Variants in SF1 observed in about 807,000 individuals in gnomAD.
The protein encoded by SF1 is splicing factor 1.
Under a neutral mutation model 62.5 loss-of-function variants are expected in SF1, and 7 were observed. The observed-to-expected ratio is 0.11, with a 90% CI of 0.06 to 0.21. The LOEUF (loss-of-function observed/expected upper bound fraction) is 0.21, where lower values mean the gene tolerates loss of function less well. Among genes scored for constraint, SF1 ranks in the 10% least tolerant of loss-of-function variants. The pLI, the probability that SF1 is intolerant of heterozygous loss-of-function variation, is 1.00. For synonymous variants in SF1, 394 were observed against 323.6 expected (o/e 1.22, Z -2.33); for missense variants, 578 against 884.0 (o/e 0.65, Z 4.39).
chr11:64,772,819 T>C, intron 3 of SF1: 1 of 985,250 alleles, frequency 1.0e-6, no homozygotes, highest in Non-Finnish European at 1.2e-6. Flanking sequence ...AAAAAAGTAA[T>C]TTAGGGTTGG....
At chr11:64,767,539 C>A in intron 10 of SF1, 32 bp downstream of exon 10, 1 of 1,523,232 alleles carries the variant, frequency 6.6e-7, no homozygotes, top group Non-Finnish European at 8.8e-7. Context: ...TATCCCAAAG[C>A]CCCCAAGGTT....
Position 64,765,600 on chromosome 11 carries a change from C to T in SF1, c.*218G>A, listed in dbSNP as rs866909330. On this transcript the variant is annotated 3_prime_UTR_variant, in exon 13 of 13. Coordinates refer to ENST00000377390, the MANE Select transcript of SF1 (RefSeq NM_004630.4). ...AAAGAAGACACTCGATGCTACGGGG[C>T]GCCAGGAGAGCCCAAGCTGGCGCCC... The T allele has an allele frequency of 4.0e-6, 6 of 1,509,768 alleles. No individual in the cohort carries two copies. The highest frequency in any genetic ancestry group is 2.6e-6 in the Non-Finnish European group (3 of 1,137,296). 93.5% of individuals were successfully genotyped at this position (1,509,768 alleles called of 1,614,324 possible).
chr11:64,768,331 G>T lies in SF1; in HGVS notation c.888-45C>A, dbSNP rs1242563448. 3 of 1,574,630 alleles carry T rather than the reference G, an allele frequency of 1.9e-6. No individual in the cohort carries two copies. The African/African-American group carries it at 4.1e-5, about 21-fold the overall frequency. ...ACAAACAGAGAAAGGGGAAAAACTT[G>T]TTAAGAAGGAAGCTTTTATCCTGAG... On this transcript the variant is annotated intron_variant, in intron 8 of 12. Transcript: ENST00000377390.
In SF1 at chr11:64,766,894, A is replaced by T; in HGVS notation, c.1582+6T>A. 7.7e-7 allele frequency: 1 copy of T among 1,303,644 alleles called. No individual in the cohort carries two copies. The allele number at this position is 1,303,644 out of a possible 1,614,324, so 80.8% of individuals were successfully genotyped here. On this transcript the variant is annotated splice_donor_region_variant and intron_variant, in intron 12 of 12. Transcript: ENST00000377390. ...CACCCCCACAAGCCCAAAATATTCT[A>T]CTCACTTTGCTGCCATGGCAAGGGG...
chr11:64,775,856 T>C (rs1939135523), intron 2 of SF1, among the ~76,000 whole-genome samples: 1 of 152,210 alleles, frequency 6.6e-6, no homozygotes, highest in Admixed American at 6.5e-5. Flanking sequence ...TCATTCCATA[T>C]CCATGCAATA....
intron 1 of SF1, chr11:64,778,049 T>G: frequency 4.0e-6 from 4 of 1,005,080 alleles, no homozygotes; most frequent in Non-Finnish European, 4.7e-6. Flanking sequence ...TGGCGGCGGC[T>G]GCGGCGGCGA....
chr11:64,770,217 A>G (rs1285149723), intron 4 of SF1, 39 bp downstream of exon 4: 10 of 1,604,752 alleles, frequency 6.2e-6, no homozygotes, highest in Non-Finnish European at 8.5e-6. Context: ...CATGATCTGC[A>G]TGTGTCTTCA....
chr11:64,770,439 T>A (rs1938127952), intron 3 of SF1, 31 bp from the exon 4 acceptor site: 5 of 1,600,890 alleles, frequency 3.1e-6, no homozygotes, highest in Non-Finnish European at 4.3e-6. Context: ...TTTACTATTC[T>A]GCACCGACTT....
rs1381246602 is a variant in SF1, at chr11:64,766,037, C to A, written c.1701G>T (p.Val567=). ...GCGGCTGGACCCCGGGGGGCAGGGGCACCATAGTGGGGTTGCCTTGCATCT... is the reference window on the plus strand; with the variant it reads ...GCGGCTGGACCCCGGGGGGCAGGGGAACCATAGTGGGGTTGCCTTGCATCT... The part of the protein sequence containing the change: ...APQMQGNPTM[V]PLPPGVQPPL... The change falls in exon 13 of 13, where the codon GTG becomes GTT. Residue 567 remains valine, a synonymous_variant. Coordinates refer to ENST00000377390, the MANE Select transcript of SF1 (RefSeq NM_004630.4). The A allele has an allele frequency of 6.2e-7, 1 of 1,610,240 alleles. No individual in the cohort carries two copies. The highest frequency in any genetic ancestry group is 8.5e-7 in the Non-Finnish European group (1 of 1,178,968).
intron 12 of SF1, chr11:64,766,663 G>C (rs1349330696): frequency 4.5e-6 from 2 of 446,900 alleles, no homozygotes; most frequent in African/African-American, 4.1e-5. Flanking sequence ...ACCTACAATA[G>C]CAGGCTCCCC....
intron 1 of SF1, 139 bp downstream of exon 1, chr11:64,778,223 C>T: frequency 1.0e-5 from 12 of 1,168,780 alleles, no homozygotes; most frequent in Non-Finnish European, 1.3e-5. Flanking sequence ...GGTCAGGGCC[C>T]CCATCGAGCC....
chr11:64,769,871 AAAGT>A (rs756105164), intron 5 of SF1, 89 bp downstream of exon 5: 12 of 991,186 alleles, frequency 1.2e-5, no homozygotes, highest in African/African-American at 4.9e-5. Flanking sequence ...AAAAAGGGGA[AAAGT>A]AAGCCAACAG....
intron 1 of SF1, chr11:64,777,809 G>A (rs1352212720): frequency 6.9e-6 from 6 of 871,966 alleles, no homozygotes; most frequent in Non-Finnish European, 8.2e-6. Flanking sequence ...CACAGCGCGC[G>A]TGCGCACTCG....
intron 3 of SF1, chr11:64,771,468 GGTTTA>G: frequency 1.0e-6 from 1 of 985,346 alleles, no homozygotes; most frequent in African/African-American, 1.7e-5. Context: ...CTATACCCTT[GGTTTA>G]GTTGAGAGAA....
chr11:64,777,093 T>C (rs1386079797), intron 1 of SF1, among the ~76,000 whole-genome samples: 1 of 152,200 alleles, frequency 6.6e-6, no homozygotes, highest in African/African-American at 2.4e-5. Flanking sequence ...CAACTAAACC[T>C]AGTTACACCC....
chr11:64,767,487 G>A (rs2058762194), intron 10 of SF1, 84 bp downstream of exon 10: 3 of 1,387,592 alleles, frequency 2.2e-6, no homozygotes, highest in Non-Finnish European at 2.9e-6. Flanking sequence ...AGCCACTTGA[G>A]AGCTGCTTCT....
At position 64,768,051 on chromosome 11, in the gene SF1, T is replaced by C; in HGVS notation, c.1068+55A>G. ...CAAACCACGTGGCCATAGCTCCCAG[T>C]CTCTGCAGTAGAGAATGGGGAAGCC... is the stretch of plus-strand genomic sequence containing the variant. On this transcript the variant is annotated intron_variant, in intron 9 of 12. Coordinates refer to ENST00000377390, the MANE Select transcript of SF1 (RefSeq NM_004630.4). 8 of 1,550,000 alleles carry C rather than the reference T, an allele frequency of 5.2e-6. No individual in the cohort carries two copies. The South Asian group carries it at 7.2e-5, about 14-fold the overall frequency.
chr11:64,765,643 T>C lies in SF1; in HGVS notation c.*175A>G. On this transcript the variant is annotated 3_prime_UTR_variant, in exon 13 of 13. Transcript: ENST00000377390. ...TGGCGCCCCTACTACCACCTGCCCGTTCCCAAGCGAATCCTCAGTCGCTTG... is the reference window on the plus strand; with the variant it reads ...TGGCGCCCCTACTACCACCTGCCCGCTCCCAAGCGAATCCTCAGTCGCTTG... 1 of 1,491,516 alleles carries C rather than the reference T, an allele frequency of 6.7e-7. No homozygotes were observed. Among genetic ancestry groups the C allele is most frequent in the Non-Finnish European group, 8.9e-7 (1 of 1,128,658 alleles). The allele number at this position is 1,491,516 out of a possible 1,614,324, so 92.4% of individuals were successfully genotyped here.
Position 64,774,578 on chromosome 11 carries a change from A to C in SF1, c.161-1073T>G, listed in dbSNP as rs191831754. On this transcript the variant is annotated intron_variant, in intron 2 of 12. Coordinates refer to ENST00000377390, the MANE Select transcript of SF1 (RefSeq NM_004630.4). ...GATAGGATTAATGCGTGTCTAACCAAAGATTCCTTCTAACTTTAAATACAT... is the reference window on the plus strand; with the variant it reads ...GATAGGATTAATGCGTGTCTAACCACAGATTCCTTCTAACTTTAAATACAT... Among the ~76,000 whole-genome samples, 31 of 152,312 alleles carry C rather than the reference A, an allele frequency of 2.0e-4. 1 individual carries two copies. The East Asian group carries it at 3.9e-3, about 19-fold the overall frequency.
Sources: gnomAD v4.1 joint callset for allele counts (sites outside exome capture counted in the v4.1 genomes callset) on GRCh38, gnomAD v4.1.1 for gene constraint, MANE v1.5 for transcripts, NCBI Gene and HGNC (gene_info 2026-07-23, HGNC 2026-07-21) for gene names.